ERBB4: variants seen among roughly 807,000 people sequenced by gnomAD.
ERBB4 encodes the protein erb-b2 receptor tyrosine kinase 4.
Under a neutral mutation model 158.0 loss-of-function variants are expected in ERBB4, and 42 were observed. The ratio of observed to expected loss-of-function variants is 0.27; its 90% CI spans 0.21 to 0.34. The LOEUF is 0.34. Among genes scored for constraint, ERBB4 ranks in the 10% least tolerant of loss-of-function variants. ERBB4 has a pLI of 1.00. For missense variants in ERBB4, 1,333 were observed against 1,624.1 expected (o/e 0.82, Z 3.08); for synonymous variants, 583 against 558.7 (o/e 1.04, Z -0.61).
chr2:212,174,113 G>A (rs937276200), intron 1 of ERBB4, among the ~76,000 whole-genome samples: 2 of 152,038 alleles, frequency 1.3e-5, no homozygotes, highest in Admixed American at 6.6e-5. Flanking sequence ...AAAAATTAGA[G>A]GGAGACGTAT....
intron 4 of ERBB4, among the ~76,000 whole-genome samples, chr2:211,773,855 T>C (rs983654363): frequency 4.0e-5 from 6 of 151,536 alleles, no homozygotes; most frequent in African/African-American, 1.2e-4. Context: ...ACATTAATCA[T>C]TGAACAAACG....
At chr2:211,711,312 T>C (rs1559445521) in intron 9 of ERBB4, among the ~76,000 whole-genome samples, 1 of 152,174 alleles carries the variant, frequency 6.6e-6, no homozygotes. Context: ...TTAAAATATA[T>C]GAGAGATATT....
intron 1 of ERBB4, among the ~76,000 whole-genome samples, chr2:212,166,928 T>C (rs893122547): frequency 1.3e-5 from 2 of 152,118 alleles, no homozygotes; most frequent in Admixed American, 6.6e-5. Context: ...TTACACCTTA[T>C]ACAAAAATTA....
At chr2:211,829,046 C>T (rs2077164493) in intron 3 of ERBB4, among the ~76,000 whole-genome samples, 2 of 152,156 alleles carry the variant, frequency 1.3e-5, no homozygotes, top group Admixed American at 1.3e-4. Flanking sequence ...GAAGCATTCT[C>T]ATATTGGAGC....
chr2:212,181,287 T>C (rs1490543887), intron 1 of ERBB4, among the ~76,000 whole-genome samples: 1 of 151,704 alleles, frequency 6.6e-6, no homozygotes, highest in Non-Finnish European at 1.5e-5. Flanking sequence ...CAAATAGCCA[T>C]CACAGAGATT....
At chr2:211,727,665 A>G (rs950463764) in intron 5 of ERBB4, among the ~76,000 whole-genome samples, 2 of 152,062 alleles carry the variant, frequency 1.3e-5, no homozygotes, top group African/African-American at 4.8e-5. Context: ...TCATGATTTC[A>G]TATTTTTAAT....
intron 1 of ERBB4, among the ~76,000 whole-genome samples, chr2:212,221,069 G>C (rs1470580729): frequency 6.6e-6 from 1 of 151,476 alleles, no homozygotes; most frequent in East Asian, 1.9e-4. Flanking sequence ...TTCTGAAAGA[G>C]CAATTGTATC....
chr2:211,413,716 C>A (rs532741983), intron 25 of ERBB4, among the ~76,000 whole-genome samples: 1 of 151,726 alleles, frequency 6.6e-6, no homozygotes, highest in African/African-American at 2.4e-5. Context: ...TGCATAGAGG[C>A]GATGCAGGAT....
At chr2:211,416,932 C>G (rs1306156169) in intron 25 of ERBB4, among the ~76,000 whole-genome samples, 1 of 151,488 alleles carries the variant, frequency 6.6e-6, no homozygotes, top group African/African-American at 2.4e-5. Context: ...TGAATAAATA[C>G]TCTTTGCTTT....
chr2:211,422,352 C>T lies in ERBB4; in HGVS notation c.2867-248G>A, dbSNP rs930775289. On this transcript the variant is annotated intron_variant, in intron 23 of 27. Transcript: ENST00000342788. ...AAATTTTTTCTCTGATGTGTATAGA[C>T]GTGACTGCAATATAAGTTATTATTT... Among the ~76,000 whole-genome samples the T allele has an allele frequency of 1.5e-4, 22 of 151,648 alleles. No individual in the cohort carries two copies. In the South Asian group the frequency reaches 1.7e-3, roughly 11 times the overall value.
At position 212,373,610 on chromosome 2, in the gene ERBB4, A is replaced by C. The variant is rs190686805; in HGVS notation, c.82+164839T>G. 2.6e-5 allele frequency among the ~76,000 whole-genome samples: 4 copies of C among 151,114 alleles called. No homozygotes were observed. The East Asian group carries it at 5.8e-4, about 22-fold the overall frequency. On this transcript the variant is annotated intron_variant, in intron 1 of 27. Coordinates refer to ENST00000342788, the MANE Select transcript of ERBB4 (RefSeq NM_005235.3). The stretch of plus-strand genomic sequence containing the variant: ...ATAACTTTAAAAGTGAAAAGGATAC[A>C]AAATGGGAGGTATTAAGGTATCAAG...
chr2:211,413,197 G>T (rs1244476621), intron 25 of ERBB4, among the ~76,000 whole-genome samples: 1 of 151,128 alleles, frequency 6.6e-6, no homozygotes, highest in Non-Finnish European at 1.5e-5. Context: ...TAGCTATTCA[G>T]GAGGCTGAGG....
intron 1 of ERBB4, among the ~76,000 whole-genome samples, chr2:212,410,536 G>C (rs977847322): frequency 4.6e-5 from 7 of 151,928 alleles, no homozygotes; most frequent in African/African-American, 1.7e-4. Flanking sequence ...TTTAAATTAT[G>C]CATAAGGTTT....
chr2:211,547,284 A>T (rs2066967062), intron 20 of ERBB4, among the ~76,000 whole-genome samples: 1 of 152,140 alleles, frequency 6.6e-6, no homozygotes, highest in African/African-American at 2.4e-5. Flanking sequence ...GGAGAAAAAA[A>T]ATTGGTTGTG....
intron 2 of ERBB4, among the ~76,000 whole-genome samples, chr2:211,980,179 A>G (rs187498990): frequency 5.5e-4 from 84 of 152,326 alleles, no homozygotes; most frequent in East Asian, 5.0e-3. Flanking sequence ...AAAGAAAAAG[A>G]CATATGACTA....
chr2:212,373,350 C>A (rs1457209321), intron 1 of ERBB4, among the ~76,000 whole-genome samples: 2 of 152,106 alleles, frequency 1.3e-5, no homozygotes, highest in East Asian at 3.9e-4. Flanking sequence ...TCCTATAACA[C>A]CTCTTGTTAA....
rs967227419 is a variant in ERBB4 at position 212,107,006 on chromosome 2, T to C, written c.234+17746A>G. Among the ~76,000 whole-genome samples, 10 of 152,360 alleles carry C rather than the reference T, an allele frequency of 6.6e-5. No homozygotes were observed. The South Asian group carries it at 1.2e-3, about 19-fold the overall frequency. On this transcript the variant is annotated intron_variant, in intron 2 of 27. Coordinates refer to ENST00000342788, the MANE Select transcript of ERBB4 (RefSeq NM_005235.3). ...GTTTGCTGCAGAGGCAGGGTGCTCA[T>C]GCAGAACATCTGCTAGGGAAGTGCT...
intron 1 of ERBB4, among the ~76,000 whole-genome samples, chr2:212,320,665 G>A (rs369511028): frequency 4.2e-4 from 63 of 149,870 alleles, no homozygotes; most frequent in East Asian, 4.1e-3. Flanking sequence ...GACACAGAAA[G>A]CCAGGGCTAA....
At chr2:211,554,500 G>A (rs2067186064) in intron 20 of ERBB4, among the ~76,000 whole-genome samples, 1 of 152,198 alleles carries the variant, frequency 6.6e-6, no homozygotes, top group Non-Finnish European at 1.5e-5. Flanking sequence ...AGAGGAAGTG[G>A]GCCTAGGAGG....
Sources: gnomAD v4.1 joint callset for allele counts (sites outside exome capture counted in the v4.1 genomes callset) on GRCh38, gnomAD v4.1.1 for gene constraint, MANE v1.5 for transcripts, NCBI Gene and HGNC (gene_info 2026-07-23, HGNC 2026-07-21) for gene names.